GRID2: variants seen among roughly 807,000 people sequenced by gnomAD.
The protein encoded by GRID2 is glutamate ionotropic receptor delta type subunit 2, also known as glutamate receptor ionotropic, delta-2.
Under a neutral mutation model 114.8 loss-of-function variants are expected in GRID2, and 33 were observed. The ratio of observed to expected loss-of-function variants is 0.29; its 90% CI spans 0.22 to 0.38. The LOEUF is 0.38. Ranked by LOEUF, GRID2 falls within the 10% of genes least tolerant of loss-of-function variation. The pLI is 1.00. For synonymous variants in GRID2, 505 were observed against 449.9 expected (o/e 1.12, Z -1.55); for missense variants, 1,184 against 1,257.7 (o/e 0.94, Z 0.89).
intron 2 of GRID2, among the ~76,000 whole-genome samples, chr4:92,769,925 T>A (rs966947342): frequency 1.3e-5 from 2 of 152,220 alleles, no homozygotes; most frequent in African/African-American, 4.8e-5. Context: ...GTCTTGGAGA[T>A]TAACATTTGG....
chr4:92,638,166 A>G (rs1205884348), intron 2 of GRID2, among the ~76,000 whole-genome samples: 1 of 151,728 alleles, frequency 6.6e-6, no homozygotes, highest in Non-Finnish European at 1.5e-5. Flanking sequence ...TTTATAGAAT[A>G]GGGGGATTAT....
In GRID2 at chr4:93,597,221, AT is replaced by A. The variant is rs200935760; in HGVS notation, c.2194-29041del. ...CATATAAGACCTCCCAAAGTCAGCT[AT>A]TTTTTTAACAAATTGAAAATTAATT... is the stretch of plus-strand genomic sequence containing the variant. On this transcript the variant is annotated intron_variant, in intron 13 of 15. Transcript: ENST00000282020. 3.0e-3 allele frequency among the ~76,000 whole-genome samples: 456 copies of A among 152,288 alleles called. 5 individuals carry two copies. Among genetic ancestry groups the A allele is most frequent in the East Asian group, 0.019 (98 of 5,180 alleles).
intron 7 of GRID2, among the ~76,000 whole-genome samples, chr4:93,228,994 C>A (rs925262802): frequency 1.3e-5 from 2 of 152,054 alleles, no homozygotes; most frequent in African/African-American, 2.4e-5. Context: ...TTTTGTGGGA[C>A]TATGTGTACA....
At chr4:93,091,737 C>T (rs1028530515) in intron 3 of GRID2, among the ~76,000 whole-genome samples, 5 of 152,072 alleles carry the variant, frequency 3.3e-5, no homozygotes, top group Non-Finnish European at 7.4e-5. Context: ...CCCACTTTGG[C>T]CTGCATGAAC....
intron 2 of GRID2, among the ~76,000 whole-genome samples, chr4:93,050,169 G>A (rs960251620): frequency 3.9e-5 from 6 of 152,050 alleles, no homozygotes; most frequent in Non-Finnish European, 8.8e-5. Flanking sequence ...AGCTAACAAT[G>A]TATAGCCCTG....
chr4:93,186,536 G>T (rs772361516), intron 4 of GRID2, among the ~76,000 whole-genome samples: 1 of 152,030 alleles, frequency 6.6e-6, no homozygotes. Flanking sequence ...ATGTAATATA[G>T]GAATTGCTTC....
chr4:93,709,131 A>T (rs1402906172), intron 14 of GRID2, among the ~76,000 whole-genome samples: 1 of 152,118 alleles, frequency 6.6e-6, no homozygotes, highest in Non-Finnish European at 1.5e-5. Flanking sequence ...TTTGTACACC[A>T]CAAATACAGT....
rs201205158 is a variant in GRID2 at position 93,128,686 on chromosome 4, A to ACT, written c.735+17734_735+17735insTC. ...AATGGAAACTTGGGAAACCTGAGGT[A>ACT]CAGAAAGCGGCATGAGCCTATTTCT... On this transcript the variant is annotated intron_variant, in intron 4 of 15. Transcript: ENST00000282020. Among the ~76,000 whole-genome samples, 327 of 135,422 alleles carry ACT rather than the reference A, an allele frequency of 2.4e-3. 1 individual carries two copies. Among genetic ancestry groups the ACT allele is most frequent in the Admixed American group, 0.018 (216 of 12,052 alleles). 88.8% of individuals were successfully genotyped at this position (135,422 alleles called of 152,430 possible). A position where few individuals can be genotyped will look rare whatever the true frequency, so the allele number is the denominator to read the frequency against.
intron 1 of GRID2, among the ~76,000 whole-genome samples, chr4:92,572,944 T>G (rs531099696): frequency 6.6e-6 from 1 of 152,082 alleles, no homozygotes; most frequent in Non-Finnish European, 1.5e-5. Context: ...CATGAATCTA[T>G]CTGGCCCTGG....
At chr4:93,461,976 G>A (rs111440996) in intron 11 of GRID2, among the ~76,000 whole-genome samples, 31 of 152,218 alleles carry the variant, frequency 2.0e-4, no homozygotes, top group African/African-American at 7.5e-4. Flanking sequence ...TTTGCTTTCT[G>A]TTTACATGCA....
chr4:93,707,732 T>G (rs527451319), intron 14 of GRID2, among the ~76,000 whole-genome samples: 1 of 152,064 alleles, frequency 6.6e-6, no homozygotes, highest in South Asian at 2.1e-4. Context: ...CTTACTAACT[T>G]TGGGTTTGGT....
chr4:92,557,119 G>C (rs1407233775), intron 1 of GRID2, among the ~76,000 whole-genome samples: 1 of 151,924 alleles, frequency 6.6e-6, no homozygotes, highest in African/African-American at 2.4e-5. Context: ...CCCCTTCTTG[G>C]TTTTTGTTTG....
At chr4:93,463,717 C>T (rs7669747) in intron 11 of GRID2, among the ~76,000 whole-genome samples, 101,297 of 151,884 alleles carry the variant, frequency 0.67, 34,436 homozygotes, top group African/African-American at 0.81. Flanking sequence ...TGGCTGGGCG[C>T]GGTGGCTCAC....
chr4:93,090,892 G>A (rs1443892591), intron 3 of GRID2, among the ~76,000 whole-genome samples: 5 of 152,064 alleles, frequency 3.3e-5, no homozygotes, highest in Admixed American at 6.6e-5. Flanking sequence ...CTCTGGTAAC[G>A]CCAGGTGTTC....
intron 13 of GRID2, among the ~76,000 whole-genome samples, chr4:93,615,166 CAT>C (rs1741477923): frequency 6.6e-6 from 1 of 152,152 alleles, no homozygotes; most frequent in African/African-American, 2.4e-5. Context: ...TTTTTCAACT[CAT>C]AGAAATTAGT....
chr4:92,588,174 G>A (rs1370439618), intron 1 of GRID2, among the ~76,000 whole-genome samples: 1 of 152,062 alleles, frequency 6.6e-6, no homozygotes, highest in Non-Finnish European at 1.5e-5. Flanking sequence ...TAATTCTTAT[G>A]AAAGCTGCTT....
intron 1 of GRID2, among the ~76,000 whole-genome samples, chr4:92,412,475 G>C (rs1226621600): frequency 6.6e-6 from 1 of 151,708 alleles, no homozygotes; most frequent in Non-Finnish European, 1.5e-5. Flanking sequence ...AGAAAACAAT[G>C]TTTTCTACAA....
intron 13 of GRID2, among the ~76,000 whole-genome samples, chr4:93,605,487 C>T (rs1334936637): frequency 6.6e-6 from 1 of 152,076 alleles, no homozygotes; most frequent in Non-Finnish European, 1.5e-5. Context: ...TATGTATAGT[C>T]TATATATAGT....
At chr4:92,628,832 A>T (rs886084827) in intron 2 of GRID2, among the ~76,000 whole-genome samples, 1 of 152,004 alleles carries the variant, frequency 6.6e-6, no homozygotes, top group Non-Finnish European at 1.5e-5. Flanking sequence ...ATTCTCCTAA[A>T]TTGGTTGCTA....
Sources: gnomAD v4.1 joint callset for allele counts (sites outside exome capture counted in the v4.1 genomes callset) on GRCh38, gnomAD v4.1.1 for gene constraint, MANE v1.5 for transcripts, NCBI Gene and HGNC (gene_info 2026-07-23, HGNC 2026-07-21) for gene names.